Variants in PTPRM observed in about 807,000 individuals in gnomAD.
PTPRM encodes protein tyrosine phosphatase receptor type M.
A neutral mutation model predicts 186.7 loss-of-function variants in PTPRM; 47 were observed. The ratio of observed to expected loss-of-function variants is 0.25; its 90% confidence interval spans 0.20 to 0.32. The LOEUF is 0.32. Among genes scored for constraint, PTPRM ranks in the 10% least tolerant of loss-of-function variants. The pLI is 1.00. For missense variants in PTPRM, 1,494 were observed against 1,865.0 expected (o/e 0.80, Z 3.66); for synonymous variants, 668 against 674.9 (o/e 0.99, Z 0.16).
chr18:7,946,060 C>T (rs533574680), intron 5 of PTPRM, among the ~76,000 whole-genome samples: 8 of 152,216 alleles, frequency 5.3e-5, no homozygotes, highest in Non-Finnish European at 1.2e-4. Context: ...ACTAGAGTCA[C>T]GCAGGGCTCC....
chr18:7,628,888 AC>A (rs2038124174), intron 1 of PTPRM, among the ~76,000 whole-genome samples: 1 of 152,192 alleles, frequency 6.6e-6, no homozygotes, highest in African/African-American at 2.4e-5. Context: ...AGGCACTATT[AC>A]TATCCCAGTT....
chr18:7,909,770 T>A (rs926173097), intron 4 of PTPRM, among the ~76,000 whole-genome samples: 26 of 139,270 alleles, frequency 1.9e-4, no homozygotes, highest in Admixed American at 7.8e-4. Flanking sequence ...CAACATTTTT[T>A]AATATTAGAT....
chr18:7,980,112 T>G (rs1175024902), intron 7 of PTPRM, among the ~76,000 whole-genome samples: 1 of 152,166 alleles, frequency 6.6e-6, no homozygotes, highest in African/African-American at 2.4e-5. Flanking sequence ...AAATATTTTT[T>G]TCTACCAGTG....
intron 13 of PTPRM, among the ~76,000 whole-genome samples, chr18:8,130,331 T>C (rs1265957301): frequency 1.3e-5 from 2 of 152,154 alleles, no homozygotes; most frequent in East Asian, 3.9e-4. Flanking sequence ...CTGTCCCATC[T>C]CAAATGCTTG....
At chr18:7,735,236 G>GA (rs1327116603) in intron 1 of PTPRM, among the ~76,000 whole-genome samples, 12 of 152,154 alleles carry the variant, frequency 7.9e-5, no homozygotes, top group Non-Finnish European at 5.9e-5. Context: ...GGCCAACATA[G>GA]TGACACCCCA....
At chr18:7,623,365 A>T (rs916736116) in intron 1 of PTPRM, among the ~76,000 whole-genome samples, 1 of 152,138 alleles carries the variant, frequency 6.6e-6, no homozygotes, top group African/African-American at 2.4e-5. Flanking sequence ...TACCTACTCA[A>T]AGTAGCACTA....
chr18:8,324,366 C>A (rs1482005727), intron 22 of PTPRM, among the ~76,000 whole-genome samples: 1 of 152,084 alleles, frequency 6.6e-6, no homozygotes, highest in Non-Finnish European at 1.5e-5. Flanking sequence ...ATTTTGCATT[C>A]GTGCTGAAAA....
chr18:7,773,979 TCAGCAAGGGATCACTAA>T (rs2042460670), intron 1 of PTPRM, among the ~76,000 whole-genome samples, 153 bp from the exon 2 acceptor site: 1 of 152,148 alleles, frequency 6.6e-6, no homozygotes, highest in Non-Finnish European at 1.5e-5. Flanking sequence ...TCAGCAGCAC[TCAGCAAGGGATCACTAA>T]GTGTTGGATG....
intron 7 of PTPRM, among the ~76,000 whole-genome samples, chr18:7,973,466 C>A (rs943112513): frequency 6.6e-6 from 1 of 152,066 alleles, no homozygotes; most frequent in African/African-American, 2.4e-5. Flanking sequence ...TGTTTTAATT[C>A]GCATTTCCTC....
At chr18:8,315,102 A>G (rs1443484547) in intron 21 of PTPRM, among the ~76,000 whole-genome samples, 1 of 152,230 alleles carries the variant, frequency 6.6e-6, no homozygotes, top group Non-Finnish European at 1.5e-5. Flanking sequence ...AACAGTGAAG[A>G]CACGGTCACT....
intron 1 of PTPRM, among the ~76,000 whole-genome samples, chr18:7,670,246 A>G (rs563125287): frequency 2.2e-4 from 33 of 152,306 alleles, no homozygotes; most frequent in Non-Finnish European, 4.1e-4. Flanking sequence ...TGGACTAGCC[A>G]CGTTTCAAGT....
At chr18:7,947,411 G>A (rs1014116634) in intron 5 of PTPRM, among the ~76,000 whole-genome samples, 9 of 152,224 alleles carry the variant, frequency 5.9e-5, no homozygotes, top group South Asian at 2.1e-4. Flanking sequence ...TAGGTGATTC[G>A]GCCAATGAAA....
chr18:8,387,176 G>A lies in PTPRM; in HGVS notation c.4149G>A (p.Gln1383=), dbSNP rs1334460850. Reference sequence around the variant, plus strand: ...GCTCCTTCTTGAAGCTCATTCGCCAGGTGGACAAGTGGCAAGAGGAGTACA... The same window carrying A: ...GCTCCTTCTTGAAGCTCATTCGCCAAGTGGACAAGTGGCAAGAGGAGTACA... ...SKRSFLKLIR[Q]VDKWQEEYNG... Residue 1383 remains glutamine (Q), a synonymous_variant, in exon 31 of 33, where the codon CAG becomes CAA. Transcript: ENST00000580170. The A allele has an allele frequency of 6.2e-7, 1 of 1,613,818 alleles. No individual in the cohort carries two copies. Among genetic ancestry groups the A allele is most frequent in the Non-Finnish European group, 8.5e-7 (1 of 1,179,670 alleles).
intron 5 of PTPRM, among the ~76,000 whole-genome samples, chr18:7,941,297 G>C (rs1476788800): frequency 6.6e-6 from 1 of 152,206 alleles, no homozygotes; most frequent in East Asian, 1.9e-4. Context: ...ATGGAATGCT[G>C]TGTGCTGGGA....
At chr18:8,311,970 C>T (rs1358193440) in intron 20 of PTPRM, among the ~76,000 whole-genome samples, 5 of 152,242 alleles carry the variant, frequency 3.3e-5, no homozygotes, top group South Asian at 2.1e-4. Context: ...AGGAATCTGA[C>T]GAGGGGGTAC....
intron 14 of PTPRM, among the ~76,000 whole-genome samples, chr18:8,185,295 T>C (rs2093627468): frequency 6.6e-6 from 1 of 152,206 alleles, no homozygotes; most frequent in Non-Finnish European, 1.5e-5. Flanking sequence ...TGGCTGGGTA[T>C]TCTTGCACCC....
At chr18:8,372,784 C>A (rs1030910044) in intron 24 of PTPRM, among the ~76,000 whole-genome samples, 2 of 151,052 alleles carry the variant, frequency 1.3e-5, no homozygotes, top group East Asian at 3.9e-4. Context: ...CATGAATAAC[C>A]GCATTAAAAC....
intron 20 of PTPRM, among the ~76,000 whole-genome samples, chr18:8,314,377 C>T (rs879604851): frequency 1.3e-5 from 2 of 152,156 alleles, no homozygotes; most frequent in African/African-American, 2.4e-5. Context: ...AAGCCTGCAC[C>T]GTGAGTTTGT....
intron 13 of PTPRM, among the ~76,000 whole-genome samples, chr18:8,131,302 C>T (rs1012861298): frequency 6.6e-6 from 1 of 152,252 alleles, no homozygotes. Context: ...GAGTCTCCCA[C>T]TGATGATATT....
Sources: allele counts gnomAD v4.1 joint callset (sites outside exome capture counted in the v4.1 genomes callset), GRCh38; gene constraint gnomAD v4.1.1; transcripts MANE v1.5; gene names NCBI Gene and HGNC (gene_info 2026-07-23, HGNC 2026-07-21).